Variants in WDPCP observed in about 807,000 individuals in gnomAD.
WDPCP encodes WD repeat containing planar cell polarity effector.
A neutral mutation model predicts 93.1 loss-of-function variants in WDPCP; 71 were observed. The ratio of observed to expected loss-of-function variants is 0.76; its 90% CI spans 0.63 to 0.93. The LOEUF is 0.93. Ranked by LOEUF, WDPCP falls within the 40% of genes least tolerant of loss-of-function variation. The pLI is 0.00. For synonymous variants in WDPCP, 315 were observed against 315.0 expected, an observed-to-expected ratio of 1.00 and a Z score of 0.00; for missense variants, 844 against 887.4, an observed-to-expected ratio of 0.95 and a Z score of 0.62.
intron 13 of WDPCP, among the ~76,000 whole-genome samples, chr2:63,311,462 T>C (rs763286102): frequency 4.6e-5 from 7 of 152,200 alleles, no homozygotes; most frequent in African/African-American, 1.7e-4. Flanking sequence ...ATGCTCTCAA[T>C]ATTTTGAGCT....
intron 3 of WDPCP, chr2:63,622,842 G>A (rs1048752510): frequency 3.7e-6 from 6 of 1,601,920 alleles, no homozygotes; most frequent in South Asian, 1.1e-5. Flanking sequence ...CGTCCTGGCC[G>A]AAGTGGGCTC....
chr2:63,575,390 G>A (rs368109431), intron 1 of WDPCP, among the ~76,000 whole-genome samples: 1,191 of 81,230 alleles, frequency 0.015, 114 homozygotes, highest in Middle Eastern at 0.064. Flanking sequence ...TATATACACG[G>A]TATATACAGT....
intron 2 of WDPCP, among the ~76,000 whole-genome samples, chr2:63,691,178 T>C (rs1476117971): frequency 6.6e-6 from 1 of 152,106 alleles, no homozygotes; most frequent in Non-Finnish European, 1.5e-5. Flanking sequence ...ACCAGGAAAT[T>C]TGGGGGATGG....
intron 14 of WDPCP, among the ~76,000 whole-genome samples, chr2:63,218,896 T>C (rs1677578552): frequency 6.6e-6 from 1 of 152,206 alleles, no homozygotes; most frequent in Admixed American, 6.5e-5. Context: ...GTTTTTGTTA[T>C]TAATTGCAAT....
intron 17 of WDPCP, among the ~76,000 whole-genome samples, chr2:63,123,503 G>T (rs540975969): frequency 6.6e-6 from 1 of 151,908 alleles, no homozygotes; most frequent in South Asian, 2.1e-4. Context: ...AACTTCTCAA[G>T]ATCTTCCAGG....
chr2:63,487,418 A>C, intron 3 of WDPCP, 29 bp downstream of exon 3: 1 of 1,525,900 alleles, frequency 6.6e-7, no homozygotes, highest in Non-Finnish European at 9.1e-7. Context: ...TAGTTAATAA[A>C]AATTAATTGC....
At chr2:63,177,846 C>T (rs1331722958) in intron 14 of WDPCP, among the ~76,000 whole-genome samples, 1 of 152,050 alleles carries the variant, frequency 6.6e-6, no homozygotes, top group Non-Finnish European at 1.5e-5. Context: ...CTGATGTTAC[C>T]TGTGGTCTTT....
At chr2:63,171,266 G>A (rs1673370068) in intron 15 of WDPCP, among the ~76,000 whole-genome samples, 1 of 152,178 alleles carries the variant, frequency 6.6e-6, no homozygotes, top group South Asian at 2.1e-4. Context: ...AAATGAAAAG[G>A]CAGATCACAG....
intron 17 of WDPCP, among the ~76,000 whole-genome samples, chr2:63,143,484 G>GT (rs757716045): frequency 1.6e-4 from 24 of 151,788 alleles, no homozygotes; most frequent in East Asian, 7.7e-4. Flanking sequence ...TGCGTACTTT[G>GT]TTTTTTTTGT....
chr2:63,192,604 T>C (rs1224005015), intron 14 of WDPCP, among the ~76,000 whole-genome samples: 1 of 152,192 alleles, frequency 6.6e-6, no homozygotes, highest in Non-Finnish European at 1.5e-5. Flanking sequence ...CAATATCTAT[T>C]AAGTGGCAGA....
At chr2:63,171,555 A>G (rs1666296439) in intron 15 of WDPCP, among the ~76,000 whole-genome samples, 1 of 152,210 alleles carries the variant, frequency 6.6e-6, no homozygotes, top group African/African-American at 2.4e-5. Flanking sequence ...GGATACTGAG[A>G]AATTGGAACC....
At chr2:63,732,880 CAG>C (rs1669581137) in intron 2 of WDPCP, among the ~76,000 whole-genome samples, 1 of 152,008 alleles carries the variant, frequency 6.6e-6, no homozygotes, top group Non-Finnish European at 1.5e-5. Context: ...AATAAAGACT[CAG>C]GAGGCAGAAA....
At chr2:63,329,449 G>C (rs776642300) in intron 12 of WDPCP, among the ~76,000 whole-genome samples, 2 of 151,988 alleles carry the variant, frequency 1.3e-5, no homozygotes, top group Non-Finnish European at 2.9e-5. Flanking sequence ...TGCAATATAA[G>C]TGAAAGATAC....
intron 9 of WDPCP, among the ~76,000 whole-genome samples, chr2:63,430,569 G>A (rs1336343587): frequency 6.6e-6 from 1 of 152,060 alleles, no homozygotes; most frequent in African/African-American, 2.4e-5. Context: ...AATTCTCTCT[G>A]TTCTGTTCTT....
chr2:63,460,187 A>G (rs966813323), intron 6 of WDPCP, among the ~76,000 whole-genome samples: 1 of 152,184 alleles, frequency 6.6e-6, no homozygotes, highest in Non-Finnish European at 1.5e-5. Flanking sequence ...TTGTAGCAAC[A>G]TGGATGGAAC....
intron 3 of WDPCP, among the ~76,000 whole-genome samples, chr2:63,649,463 A>AT (rs1415662647): frequency 1.3e-5 from 2 of 152,108 alleles, no homozygotes; most frequent in Admixed American, 6.5e-5. Context: ...AGTCACTTAG[A>AT]TTTTTTCCCA....
rs575473038 is a variant in WDPCP, at chr2:63,797,120, A to G, written n.308+16502T>C. Among the ~76,000 whole-genome samples, 98 of 152,204 alleles carry G rather than the reference A, an allele frequency of 6.4e-4. 1 individual carries two copies. Among genetic ancestry groups the G allele is most frequent in the African/African-American group, 2.3e-3 (94 of 41,498 alleles). On this transcript the variant is annotated intron_variant and non_coding_transcript_variant, in intron 2 of 4. Transcript: ENST00000467687. ...ATGCTGCCTTGAAGCGAAGAAACCA[A>G]ACTTCCAGGATTCATTACCTGTTAA...
At chr2:63,287,588 A>T (rs758751665) in intron 13 of WDPCP, among the ~76,000 whole-genome samples, 8 of 152,018 alleles carry the variant, frequency 5.3e-5, no homozygotes, top group Admixed American at 3.9e-4. Context: ...CTTCTATTTC[A>T]TTCTGTTTTA....
At chr2:63,606,733 C>T in intron 3 of WDPCP, 3 of 462,692 alleles carry the variant, frequency 6.5e-6, no homozygotes, top group Admixed American at 4.5e-5. Context: ...TAATTAAAAT[C>T]TGGATTTTTA....
Sources: allele counts gnomAD v4.1 joint callset (sites outside exome capture counted in the v4.1 genomes callset), GRCh38; gene constraint gnomAD v4.1.1; transcripts MANE v1.5; gene names NCBI Gene and HGNC (gene_info 2026-07-23, HGNC 2026-07-21).